ATP10A: variants seen among roughly 807,000 people sequenced by gnomAD.
ATP10A encodes ATPase phospholipid transporting 10A (putative).
ATP10A carries 111 observed loss-of-function variants against 147.8 expected under a neutral mutation model. That is an observed-to-expected ratio of 0.75 (90% CI 0.64 to 0.88). The LOEUF is 0.88. ATP10A is among the 40% of genes least tolerant of loss of function. The probability of loss-of-function intolerance (pLI) is 0.00; values close to 1 mark genes in which losing one functional copy is unlikely to be tolerated. For missense variants in ATP10A, 1,927 were observed against 1,959.0 expected (o/e 0.98, Z 0.31); for synonymous variants, 875 against 841.6 (o/e 1.04, Z -0.69).
At chr15:25,759,714 G>T (rs1250309938) in intron 2 of ATP10A, among the ~76,000 whole-genome samples, 1 of 151,840 alleles carries the variant, frequency 6.6e-6, no homozygotes, top group East Asian at 1.9e-4. Context: ...GGAGGCTAAG[G>T]TGGAGAATCG....
chr15:25,849,980 A>AT (rs1250076279), intron 1 of ATP10A, among the ~76,000 whole-genome samples: 4 of 152,224 alleles, frequency 2.6e-5, no homozygotes, highest in Non-Finnish European at 4.4e-5. Flanking sequence ...CAATGACACG[A>AT]TGGCACTATG....
chr15:25,674,148 C>T (rs904510501), downstream of ATP10A, among the ~76,000 whole-genome samples: 24 of 152,232 alleles, frequency 1.6e-4, no homozygotes, highest in East Asian at 9.6e-4. Flanking sequence ...GGTGCCCTGA[C>T]GCCCCTGCAG....
At chr15:25,719,936 C>T (rs899077158) in intron 7 of ATP10A, among the ~76,000 whole-genome samples, 6 of 152,256 alleles carry the variant, frequency 3.9e-5, no homozygotes, top group South Asian at 2.1e-4. Context: ...TGGCTGATGA[C>T]GCTCCTTGCC....
intron 1 of ATP10A, among the ~76,000 whole-genome samples, chr15:25,830,731 C>T (rs199675600): frequency 6.6e-6 from 1 of 152,124 alleles, no homozygotes; most frequent in East Asian, 1.9e-4. Flanking sequence ...TGCATTGTCC[C>T]ATGAGGTCAT....
At position 25,679,704 on chromosome 15, in the gene ATP10A, C is replaced by T. The variant is rs1335554773; in HGVS notation, c.4137G>A (p.Val1379=). The T allele has an allele frequency of 2.5e-6, 4 of 1,613,202 alleles. No individual in the cohort carries two copies. Among genetic ancestry groups the T allele is most frequent in the Admixed American group, 1.7e-5 (1 of 60,004 alleles). The change falls in exon 21 of 21, where the codon GTG becomes GTA. Residue 1379 remains valine, a synonymous_variant. Coordinates refer to ENST00000555815, the MANE Select transcript of ATP10A (RefSeq NM_024490.4). ...GCCCCTCCAGCAGGGTGTGCTCCCT[C>T]ACTGGCATGCTCATGTCCACTGTGC... ...EPSTVDMSMP[V]REHTLLEGLS...
At chr15:25,727,019 T>A (rs1164847785) in intron 4 of ATP10A, 141 bp downstream of exon 4, 4 of 591,026 alleles carry the variant, frequency 6.8e-6, no homozygotes, top group Admixed American at 3.0e-5. Flanking sequence ...ATCGCGCCAC[T>A]GCACTCCAGC....
intron 8 of ATP10A, 78 bp from the exon 9 acceptor site, chr15:25,717,002 T>G (rs753879551): frequency 1.6e-4 from 191 of 1,174,804 alleles, no homozygotes; most frequent in Middle Eastern, 7.8e-4. Context: ...TTTAAGGTAC[T>G]TTGATTTTAT....
chr15:25,736,110 C>T lies in ATP10A; in HGVS notation c.686G>A (p.Ser229Asn), dbSNP rs540128825. The T allele has an allele frequency of 1.2e-6, 2 of 1,613,324 alleles. 1 individual carries two copies. The highest frequency in any genetic ancestry group is 4.5e-5 in the East Asian group (2 of 44,892). The change falls in exon 3 of 21, where the codon AGC becomes AAC. Residue 229 changes from serine to asparagine, a missense_variant. Physicochemically the swap from Ser to Asn is conservative, Grantham distance 46. Coordinates refer to ENST00000555815, the MANE Select transcript of ATP10A (RefSeq NM_024490.4). The part of the protein sequence containing the change: ...VSEFNPLTFT[S>N]VIECEKPNND... ...GTTTGGCTTCTCGCATTCGATCACG[C>T]TGGTGAACGTCAAAGGATTGAATTC...
intron 1 of ATP10A, among the ~76,000 whole-genome samples, chr15:25,787,194 T>C (rs1422016674): frequency 6.6e-6 from 1 of 152,108 alleles, no homozygotes; most frequent in Non-Finnish European, 1.5e-5. Flanking sequence ...TCTGATCTGG[T>C]AGCCTAAAGG....
At chr15:25,782,751 G>A (rs913145580) in intron 1 of ATP10A, among the ~76,000 whole-genome samples, 19 of 152,176 alleles carry the variant, frequency 1.2e-4, no homozygotes, top group African/African-American at 3.1e-4. Context: ...TGTCACAAAG[G>A]TCATTTGTAA....
intron 1 of ATP10A, among the ~76,000 whole-genome samples, chr15:25,787,981 CTGAGAGAG>C (rs1890247978): frequency 6.6e-6 from 1 of 152,162 alleles, no homozygotes; most frequent in Non-Finnish European, 1.5e-5. Context: ...AAACAAGCCA[CTGAGAGAG>C]TTCCCGCTAG....
chr15:25,742,890 G>A (rs1887644735), intron 2 of ATP10A, among the ~76,000 whole-genome samples: 1 of 152,218 alleles, frequency 6.6e-6, no homozygotes. Flanking sequence ...TTAGCACAGT[G>A]AGATCCACAT....
At chr15:25,681,810 TTGG>T (rs1284169848) in intron 17 of ATP10A, among the ~76,000 whole-genome samples, 1 of 152,026 alleles carries the variant, frequency 6.6e-6, no homozygotes, top group Non-Finnish European at 1.5e-5. Flanking sequence ...TCCCAGCACT[TTGG>T]GATGCCCAGG....
In ATP10A at chr15:25,783,408, T is replaced by C. The variant is rs945754808; in HGVS notation, c.450-2185A>G. On this transcript the variant is annotated intron_variant, in intron 1 of 20. Coordinates refer to ENST00000555815, the MANE Select transcript of ATP10A (RefSeq NM_024490.4). ...AGCATTGGATGAGAAGTATGGAGAGTTTGCAGAGCTAGGAAGCCACACGCC... is the reference window on the plus strand; with the variant it reads ...AGCATTGGATGAGAAGTATGGAGAGCTTGCAGAGCTAGGAAGCCACACGCC... 1.2e-4 allele frequency among the ~76,000 whole-genome samples: 18 copies of C among 152,052 alleles called. No individual in the cohort carries two copies. The East Asian group carries it at 3.5e-3, about 30-fold the overall frequency.
intron 1 of ATP10A, among the ~76,000 whole-genome samples, chr15:25,830,498 T>G (rs1227264966): frequency 3.3e-5 from 5 of 152,210 alleles, no homozygotes; most frequent in Non-Finnish European, 7.3e-5. Context: ...CCTTCCTTCC[T>G]TTCCAAAGAA....
chr15:25,680,959 C>T, intron 18 of ATP10A, 35 bp downstream of exon 18: 1 of 1,613,606 alleles, frequency 6.2e-7, no homozygotes, highest in Non-Finnish European at 8.5e-7. Flanking sequence ...CCGGATCCAG[C>T]TGGTAAGAAA....
chr15:25,817,987 G>T (rs1891735991), intron 1 of ATP10A, among the ~76,000 whole-genome samples: 1 of 146,314 alleles, frequency 6.8e-6, no homozygotes, highest in African/African-American at 2.7e-5. Flanking sequence ...ATTTTTGGCT[G>T]GTCAGATGGT....
In ATP10A at chr15:25,679,424, C is replaced by T. The variant is rs376091391; in HGVS notation, c.4417G>A (p.Val1473Ile). 14 of 1,613,664 alleles carry T rather than the reference C, an allele frequency of 8.7e-6. No homozygotes were observed. Among genetic ancestry groups the T allele is most frequent in the Non-Finnish European group, 1.1e-5 (13 of 1,179,758 alleles). Residue 1473 changes from valine to isoleucine, a missense_variant, in exon 21 of 21, where the codon GTC becomes ATC. Physicochemically the swap from Val to Ile is conservative, Grantham distance 29. Coordinates refer to ENST00000555815, the MANE Select transcript of ATP10A (RefSeq NM_024490.4). Reference sequence around the variant, plus strand: ...CCTGATCGGCCTGAGTGGGGCTGGACAGGAAGTCCACGTCCCGCTTGTCCA... The same window carrying T: ...CCTGATCGGCCTGAGTGGGGCTGGATAGGAAGTCCACGTCCCGCTTGTCCA... ...ADGQAGRGLPVQPHSGRSGLQ... is the reference protein window; with the variant it reads ...ADGQAGRGLPIQPHSGRSGLQ...
chr15:25,801,789 T>C (rs1890951387), intron 1 of ATP10A, among the ~76,000 whole-genome samples: 1 of 152,178 alleles, frequency 6.6e-6, no homozygotes, highest in African/African-American at 2.4e-5. Context: ...AAGGCCCCCG[T>C]GCCAGTCTCT....
Sources: gnomAD v4.1 joint callset for allele counts (sites outside exome capture counted in the v4.1 genomes callset) on GRCh38, gnomAD v4.1.1 for gene constraint, MANE v1.5 for transcripts, NCBI Gene and HGNC (gene_info 2026-07-23, HGNC 2026-07-21) for gene names.